ARHGAP23: variants seen among roughly 807,000 people sequenced by gnomAD.
The protein encoded by ARHGAP23 is rho GTPase-activating protein 23.
In ARHGAP23, 34 loss-of-function variants were observed where a neutral mutation model predicts 136.3. The ratio of observed to expected loss-of-function variants is 0.25; its 90% CI spans 0.19 to 0.33. The LOEUF is 0.33. Ranked by LOEUF, ARHGAP23 falls within the 10% of genes least tolerant of loss-of-function variation. The pLI is 1.00. For missense variants in ARHGAP23, 1,808 were observed against 2,139.0 expected, an observed-to-expected ratio of 0.85 and a Z score of 3.05; for synonymous variants, 832 against 920.5, an observed-to-expected ratio of 0.90 and a Z score of 1.74.
intron 1 of ARHGAP23, among the ~76,000 whole-genome samples, chr17:38,448,149 G>A (rs1439343717): frequency 6.6e-6 from 1 of 152,152 alleles, no homozygotes. Context: ...GGAAGTGGGA[G>A]ATCCTACTGA....
In ARHGAP23 at chr17:38,510,522, G is replaced by A. The variant is rs1277272942; in HGVS notation, c.4026G>A (p.Glu1342=). 4 of 1,144,558 alleles carry A rather than the reference G, an allele frequency of 3.5e-6. No individual in the cohort carries two copies. The East Asian group carries it at 1.3e-4, about 38-fold the overall frequency. 70.9% of individuals were successfully genotyped at this position (1,144,558 alleles called of 1,614,324 possible). Residue 1342 remains glutamate, a synonymous_variant, in exon 24 of 24, where the codon GAG becomes GAA. Transcript: ENST00000622683. The surrounding 1 kb of genome is among the most constrained non-coding windows in gnomAD (Gnocchi z 4.6). ...GAGRGGPRAP[E]PPGSASSSSQ... ...GCCGGGGCGGTCCCCGCGCCCCGGAGCCGCCCGGCTCGGCGTCGTCCAGCA... is the reference window on the plus strand; with the variant it reads ...GCCGGGGCGGTCCCCGCGCCCCGGAACCGCCCGGCTCGGCGTCGTCCAGCA...
intron 1 of ARHGAP23, among the ~76,000 whole-genome samples, chr17:38,438,534 C>T (rs1208814124): frequency 2.0e-5 from 3 of 152,106 alleles, no homozygotes; most frequent in Admixed American, 6.5e-5. Flanking sequence ...CGCCCCTTCC[C>T]TCCCCCATCA....
chr17:38,494,928 C>T (rs915209190), intron 20 of ARHGAP23, among the ~76,000 whole-genome samples: 2 of 152,222 alleles, frequency 1.3e-5, no homozygotes, highest in African/African-American at 4.8e-5. Context: ...CTTCTGGGCA[C>T]CTTCCAACCT....
chr17:38,485,951 T>A, intron 16 of ARHGAP23, 111 bp from the exon 17 acceptor site: 1 of 968,190 alleles, frequency 1.0e-6, no homozygotes, highest in Non-Finnish European at 1.6e-6. Context: ...TTGGTCTAAG[T>A]AGGTCCCAGG....
intron 17 of ARHGAP23, 152 bp from the exon 18 acceptor site, chr17:38,489,950 G>A (rs2040235989): frequency 1.5e-6 from 1 of 683,780 alleles, no homozygotes; most frequent in Admixed American, 2.2e-5. Flanking sequence ...CAGCTGTGGT[G>A]GGTGTGTTCA....
At chr17:38,431,770 C>T (rs1055461704) in intron 1 of ARHGAP23, among the ~76,000 whole-genome samples, 1 of 152,202 alleles carries the variant, frequency 6.6e-6, no homozygotes, top group East Asian at 1.9e-4. Flanking sequence ...AGTGGGGAAA[C>T]AGACTGGGGA....
Position 38,510,633 on chromosome 17 carries a change from G to C in ARHGAP23, c.4137G>C (p.Thr1379=). ...CGCTGCGTCTAAGGCTCCGCGGCAC[G>C]GCGGACGACATGCTCGCCGTGCGCC... ...MEALRLRLRG[T]ADDMLAVRLR... Residue 1379 remains threonine, a synonymous_variant, in exon 24 of 24, where the codon ACG becomes ACC. Transcript: ENST00000622683. This position sits in a 1 kb window ranked among gnomAD's most constrained non-coding sequence, Gnocchi z 4.6. The C allele has an allele frequency of 7.4e-7, 1 of 1,353,526 alleles. No individual in the cohort carries two copies. Among genetic ancestry groups the C allele is most frequent in the Non-Finnish European group, 9.4e-7 (1 of 1,061,456 alleles). 83.8% of individuals were successfully genotyped at this position (1,353,526 alleles called of 1,614,324 possible). A position where few individuals can be genotyped will look rare whatever the true frequency, so the allele number is the denominator to read the frequency against.
intron 1 of ARHGAP23, chr17:38,452,255 C>T (rs1414639669): frequency 6.6e-6 from 1 of 152,300 alleles, no homozygotes; most frequent in Non-Finnish European, 1.5e-5. Flanking sequence ...TCCCTCTGCC[C>T]CCAGGCCCCT....
At chr17:38,504,954 T>C (rs894359668) in intron 23 of ARHGAP23, among the ~76,000 whole-genome samples, 2 of 140,572 alleles carry the variant, frequency 1.4e-5, no homozygotes, top group Non-Finnish European at 3.1e-5. Context: ...GAGCTGTTCA[T>C]TACTCAGAAG....
chr17:38,509,144 G>A (rs2040699128), intron 23 of ARHGAP23, among the ~76,000 whole-genome samples: 1 of 152,110 alleles, frequency 6.6e-6, no homozygotes, highest in Non-Finnish European at 1.5e-5. Context: ...GCGGCAGCAT[G>A]GGCCCTCCTG....
Position 38,490,507 on chromosome 17 carries a change from G to A in ARHGAP23, c.3106G>A (p.Val1036Met), listed in dbSNP as rs1237486057. 12 of 1,549,312 alleles carry A rather than the reference G, an allele frequency of 7.7e-6. No individual in the cohort carries two copies. The highest frequency in any genetic ancestry group is 9.6e-6 in the Non-Finnish European group (11 of 1,146,718). Residue 1036 changes from valine (V) to methionine (M), a missense_variant, in exon 19 of 24, where the codon GTG becomes ATG. Physicochemically the swap from Val to Met is conservative, Grantham distance 21 (BLOSUM62 1). This residue lies in a region of ARHGAP23 where 105 missense variants were observed against 200.6 expected (regional missense o/e 0.52). Coordinates refer to ENST00000622683, the MANE Select transcript of ARHGAP23 (RefSeq NM_001199417.2). ...CTACTATGAAACGCTCAAATTCCTT[G>A]TGGGCCATCTCAAGACCATCGCTGA... is the stretch of plus-strand genomic sequence containing the variant. ...GHYYETLKFL[V>M]GHLKTIADHS...
chr17:38,436,875 G>A (rs1226587806), intron 1 of ARHGAP23, among the ~76,000 whole-genome samples: 2 of 152,206 alleles, frequency 1.3e-5, no homozygotes, highest in East Asian at 3.9e-4. Context: ...GGCGATAACG[G>A]GAGTTTAAAA....
chr17:38,470,133 C>T (rs1348192146), intron 10 of ARHGAP23, among the ~76,000 whole-genome samples: 3 of 152,256 alleles, frequency 2.0e-5, no homozygotes, highest in Non-Finnish European at 2.9e-5. Context: ...CTCGTCTGGA[C>T]TGCCTCTTTC....
chr17:38,456,675 A>G (rs2039333506), intron 1 of ARHGAP23, among the ~76,000 whole-genome samples: 1 of 152,160 alleles, frequency 6.6e-6, no homozygotes, highest in Non-Finnish European at 1.5e-5. Flanking sequence ...CGTGGCTCCC[A>G]TCTTCCCCAG....
chr17:38,435,593 G>A (rs777105856), intron 1 of ARHGAP23, among the ~76,000 whole-genome samples: 1 of 152,152 alleles, frequency 6.6e-6, no homozygotes, highest in Admixed American at 6.5e-5. Context: ...CTCTGTACTG[G>A]GGAAAATTTT....
intron 1 of ARHGAP23, among the ~76,000 whole-genome samples, chr17:38,437,375 C>T (rs903262630): frequency 6.6e-6 from 1 of 152,060 alleles, no homozygotes; most frequent in Non-Finnish European, 1.5e-5. Flanking sequence ...ATCCTCCTGC[C>T]TTGGTCTCCC....
At chr17:38,465,817 G>A (rs1320812030) in intron 6 of ARHGAP23, among the ~76,000 whole-genome samples, 3 of 152,090 alleles carry the variant, frequency 2.0e-5, no homozygotes, top group Non-Finnish European at 1.5e-5. Flanking sequence ...GGAGCTTTGG[G>A]CATTGGTGGA....
At chr17:38,507,832 T>A (rs2040668895) in intron 23 of ARHGAP23, among the ~76,000 whole-genome samples, 1 of 152,242 alleles carries the variant, frequency 6.6e-6, no homozygotes, top group Non-Finnish European at 1.5e-5. Flanking sequence ...TTCTCAGAAC[T>A]AATTAATGTG....
At chr17:38,499,667 G>GC (rs2040477970) in intron 22 of ARHGAP23, among the ~76,000 whole-genome samples, 1 of 152,078 alleles carries the variant, frequency 6.6e-6, no homozygotes, top group Non-Finnish European at 1.5e-5. Flanking sequence ...ATCACCCGCC[G>GC]CCCCCCGCGC....
Sources: gnomAD v4.1 joint callset for allele counts (sites outside exome capture counted in the v4.1 genomes callset) on GRCh38, gnomAD v4.1.1 for gene constraint, gnomAD v4.1.1 regional missense constraint, Gnocchi (gnomAD v3.1) non-coding constraint, MANE v1.5 for transcripts, NCBI Gene and HGNC (gene_info 2026-07-23, HGNC 2026-07-21) for gene names.